SIPA1L1: variants seen among roughly 807,000 people sequenced by gnomAD.
SIPA1L1 encodes signal-induced proliferation-associated 1-like protein 1.
SIPA1L1 carries 26 observed loss-of-function variants against 162.7 expected under a neutral mutation model. The ratio of observed to expected loss-of-function variants is 0.16; its 90% CI spans 0.12 to 0.22. SIPA1L1 has a LOEUF of 0.22. SIPA1L1 is among the 10% of genes least tolerant of loss of function. The probability of loss-of-function intolerance (pLI) is 1.00; values close to 1 mark genes in which losing one functional copy is unlikely to be tolerated. For synonymous variants in SIPA1L1, 829 were observed against 837.4 expected (o/e 0.99, Z 0.17); for missense variants, 1,874 against 2,241.0 (o/e 0.84, Z 3.31).
intron 5 of SIPA1L1, among the ~76,000 whole-genome samples, chr14:71,618,252 C>T (rs1193328422): frequency 6.6e-6 from 1 of 152,260 alleles, no homozygotes; most frequent in Non-Finnish European, 1.5e-5. Context: ...CCACCATACA[C>T]AGGCCACCTG....
intron 6 of SIPA1L1, among the ~76,000 whole-genome samples, chr14:71,621,487 G>A (rs1046639841): frequency 2.0e-5 from 3 of 152,138 alleles, no homozygotes; most frequent in African/African-American, 7.2e-5. Context: ...CCCCACTGCT[G>A]TGTTCTGCAT....
At chr14:71,518,336 G>T (rs1309037157) in intron 3 of SIPA1L1, among the ~76,000 whole-genome samples, 1 of 151,960 alleles carries the variant, frequency 6.6e-6, no homozygotes. Context: ...GTTAAGTTGG[G>T]ATTTATTTTT....
At chr14:71,694,429 G>GT (rs1187068622) in intron 13 of SIPA1L1, among the ~76,000 whole-genome samples, 2 of 152,136 alleles carry the variant, frequency 1.3e-5, no homozygotes, top group Non-Finnish European at 1.5e-5. Context: ...TCAAAAGACT[G>GT]TGGAAGTAAT....
In SIPA1L1 at chr14:71,614,180, G is replaced by A. The variant is rs984915887; in HGVS notation, c.1499-4577G>A. Among the ~76,000 whole-genome samples, 6 of 151,138 alleles carry A rather than the reference G, an allele frequency of 4.0e-5. No homozygotes were observed. The East Asian group carries it at 9.7e-4, about 24-fold the overall frequency. On this transcript the variant is annotated intron_variant, in intron 5 of 23. Transcript: ENST00000381232. ...TTGCAGTGGGCCAAGATCATGCCAC[G>A]GCACTCCAGTCTGGGCCACAGAGCA...
intron 4 of SIPA1L1, chr14:71,573,832 G>C (rs781066068): frequency 2.5e-6 from 1 of 399,308 alleles, no homozygotes. Flanking sequence ...TGTGTATAGT[G>C]TTGTTTTGAT....
intron 7 of SIPA1L1, among the ~76,000 whole-genome samples, chr14:71,641,278 T>G (rs1366386564): frequency 8.7e-6 from 1 of 115,442 alleles, no homozygotes; most frequent in Admixed American, 8.7e-5. Flanking sequence ...AACAAGATAA[T>G]CTAAAAAAAA....
chr14:71,693,059 C>A (rs932447450), intron 13 of SIPA1L1, among the ~76,000 whole-genome samples: 7 of 152,162 alleles, frequency 4.6e-5, no homozygotes, highest in African/African-American at 1.7e-4. Context: ...GCATCCCTTA[C>A]CCAAAATGCT....
At chr14:71,559,900 TGA>T (rs2056649077) in intron 4 of SIPA1L1, among the ~76,000 whole-genome samples, 1 of 152,158 alleles carries the variant, frequency 6.6e-6, no homozygotes, top group Non-Finnish European at 1.5e-5. Context: ...AACTTGTCCT[TGA>T]ATAATCATTG....
chr14:71,653,606 A>G (rs1215357714), intron 8 of SIPA1L1, among the ~76,000 whole-genome samples: 3 of 152,048 alleles, frequency 2.0e-5, no homozygotes, highest in African/African-American at 7.2e-5. Flanking sequence ...CATCTTCTGT[A>G]TTCTTTTTTC....
intron 13 of SIPA1L1, among the ~76,000 whole-genome samples, chr14:71,691,688 C>T (rs2081266463): frequency 6.6e-6 from 1 of 152,156 alleles, no homozygotes; most frequent in Non-Finnish European, 1.5e-5. Flanking sequence ...CTCTCCTCTG[C>T]AAGCACTATG....
intron 4 of SIPA1L1, among the ~76,000 whole-genome samples, chr14:71,548,478 C>T (rs371865168): frequency 1.1e-3 from 161 of 152,014 alleles, no homozygotes; most frequent in African/African-American, 3.7e-3. Flanking sequence ...GGAAATGTTA[C>T]GTGTGCCTTA....
chr14:71,437,691 A>G (rs1470002206), intron 2 of SIPA1L1, among the ~76,000 whole-genome samples: 1 of 152,158 alleles, frequency 6.6e-6, no homozygotes, highest in Admixed American at 6.5e-5. Context: ...TACTGATACT[A>G]CAGAGAGCAG....
intron 2 of SIPA1L1, among the ~76,000 whole-genome samples, chr14:71,495,741 G>A (rs2049698355): frequency 6.6e-6 from 1 of 151,542 alleles, no homozygotes. Flanking sequence ...TCTAAAATAG[G>A]TTTAAGTTTA....
At chr14:71,393,479 T>C (rs762098896) in intron 2 of SIPA1L1, among the ~76,000 whole-genome samples, 7 of 152,176 alleles carry the variant, frequency 4.6e-5, no homozygotes, top group African/African-American at 7.2e-5. Flanking sequence ...TAAAGTCTTA[T>C]TGGACCACAC....
At position 71,702,515 on chromosome 14, in the gene SIPA1L1, C is replaced by G. The variant is rs1321584832; in HGVS notation, c.3646+10C>G. 1 of 1,612,484 alleles carries G rather than the reference C, an allele frequency of 6.2e-7. No homozygotes were observed. Among genetic ancestry groups the G allele is most frequent in the Non-Finnish European group, 8.5e-7 (1 of 1,178,996 alleles). On this transcript the variant is annotated intron_variant, in intron 15 of 23. Transcript: ENST00000381232. ...ATTGCTGACCAGATGGGTAAGTAATCAATTTCTACAAGAAGAAAGTTGCTT... is the reference window on the plus strand; with the variant it reads ...ATTGCTGACCAGATGGGTAAGTAATGAATTTCTACAAGAAGAAAGTTGCTT...
intron 2 of SIPA1L1, among the ~76,000 whole-genome samples, chr14:71,496,769 A>C (rs1202617852): frequency 1.3e-5 from 2 of 152,198 alleles, no homozygotes; most frequent in African/African-American, 4.8e-5. Context: ...GTTAGGTTGC[A>C]TGTAGGTTTT....
chr14:71,534,548 C>A (rs2145500381), intron 4 of SIPA1L1, among the ~76,000 whole-genome samples: 1 of 152,040 alleles, frequency 6.6e-6, no homozygotes, highest in East Asian at 1.9e-4. Context: ...AATGGTAATC[C>A]CTGATGAAAG....
At chr14:71,458,869 GA>G (rs1045456325) in intron 2 of SIPA1L1, among the ~76,000 whole-genome samples, 1 of 151,978 alleles carries the variant, frequency 6.6e-6, no homozygotes, top group African/African-American at 2.4e-5. Flanking sequence ...TCAGGAGTTA[GA>G]GACCAACCTG....
At chr14:71,475,212 T>G (rs1467812318) in intron 2 of SIPA1L1, among the ~76,000 whole-genome samples, 1 of 152,220 alleles carries the variant, frequency 6.6e-6, no homozygotes, top group Non-Finnish European at 1.5e-5. Flanking sequence ...AAGAATGCTA[T>G]AGCATATACT....
Sources: allele counts gnomAD v4.1 joint callset (sites outside exome capture counted in the v4.1 genomes callset), GRCh38; gene constraint gnomAD v4.1.1; transcripts MANE v1.5; gene names NCBI Gene and HGNC (gene_info 2026-07-23, HGNC 2026-07-21).